CCSER1: variants seen among roughly 807,000 people sequenced by gnomAD.
CCSER1 encodes coiled-coil serine rich protein 1, also known as serine-rich coiled-coil domain-containing protein 1.
CCSER1 carries 41 observed loss-of-function variants against 82.0 expected under a neutral mutation model. That is an observed-to-expected ratio of 0.50 (90% CI 0.39 to 0.65). The LOEUF is 0.65. CCSER1 is among the 30% of genes least tolerant of loss of function. The pLI, the probability that CCSER1 is intolerant of heterozygous loss-of-function variation, is 0.00. For synonymous variants in CCSER1, 414 were observed against 383.9 expected (o/e 1.08, Z -0.92); for missense variants, 1,119 against 1,064.2 (o/e 1.05, Z -0.72).
At chr4:91,415,938 C>A (rs1206480513) in intron 10 of CCSER1, among the ~76,000 whole-genome samples, 2 of 151,820 alleles carry the variant, frequency 1.3e-5, no homozygotes, top group African/African-American at 4.8e-5. Flanking sequence ...ATCAGGAGTC[C>A]CTCATTTTCA....
chr4:90,568,577 A>G (rs1579212118), intron 5 of CCSER1, among the ~76,000 whole-genome samples: 1 of 152,120 alleles, frequency 6.6e-6, no homozygotes, highest in East Asian at 1.9e-4. Context: ...CTCTTTAGGC[A>G]GCATATAGAT....
intron 5 of CCSER1, among the ~76,000 whole-genome samples, chr4:90,495,500 C>T (rs568313942): frequency 5.9e-5 from 9 of 152,154 alleles, no homozygotes; most frequent in South Asian, 4.1e-4. Flanking sequence ...TTCTTATAGA[C>T]GACTGGGTGC....
Position 90,448,444 on chromosome 4 carries a change from AATATATATATATATAT to A in CCSER1, c.1604-19764_1604-19749del, listed in dbSNP as rs70963067. 4.8e-3 allele frequency among the ~76,000 whole-genome samples: 211 copies of A among 44,098 alleles called. 3 individuals are homozygous for A. The highest frequency in any genetic ancestry group is 9.2e-3 in the African/African-American group (164 of 17,856). 28.9% of individuals were successfully genotyped at this position (44,098 alleles called of 152,430 possible). A position where few individuals can be genotyped will look rare whatever the true frequency, so the allele number is the denominator to read the frequency against. On this transcript the variant is annotated intron_variant, in intron 4 of 10. Coordinates refer to ENST00000509176, the MANE Select transcript of CCSER1 (RefSeq NM_001145065.2). The stretch of plus-strand genomic sequence containing the variant: ...GCTTTTTTTTTCTCTAGGTGAATTG[AATATATATATATATAT>A]ATATATATATATATATATATATATA...
intron 10 of CCSER1, among the ~76,000 whole-genome samples, chr4:91,474,767 GTA>G (rs112175186): frequency 4.1e-4 from 56 of 135,388 alleles, no homozygotes; most frequent in African/African-American, 7.5e-4. Flanking sequence ...ACATGTGTGT[GTA>G]TATATATATA....
At chr4:91,538,403 A>T (rs1171407435) in intron 10 of CCSER1, among the ~76,000 whole-genome samples, 2 of 151,836 alleles carry the variant, frequency 1.3e-5, no homozygotes, top group African/African-American at 4.8e-5. Context: ...TTTGTTCTGA[A>T]ACAGTTAAAA....
At chr4:90,496,887 A>G (rs1381838813) in intron 5 of CCSER1, among the ~76,000 whole-genome samples, 1 of 148,030 alleles carries the variant, frequency 6.8e-6, no homozygotes, top group Admixed American at 6.8e-5. Flanking sequence ...CTGAGGCAGG[A>G]GAATCGCTTG....
chr4:91,210,489 G>A (rs1157788602), intron 10 of CCSER1, among the ~76,000 whole-genome samples: 1 of 150,630 alleles, frequency 6.6e-6, no homozygotes, highest in Non-Finnish European at 1.5e-5. Flanking sequence ...TGACACAATT[G>A]GAAGTGAGAC....
At chr4:90,386,220 A>G (rs1048933351) in intron 3 of CCSER1, among the ~76,000 whole-genome samples, 1 of 152,218 alleles carries the variant, frequency 6.6e-6, no homozygotes, top group Non-Finnish European at 1.5e-5. Context: ...AGCAAAAAGA[A>G]CAAATCTGGA....
At chr4:90,437,541 T>C (rs533641119) in intron 4 of CCSER1, among the ~76,000 whole-genome samples, 1 of 152,310 alleles carries the variant, frequency 6.6e-6, no homozygotes, top group South Asian at 2.1e-4. Flanking sequence ...TTTGCTTTCT[T>C]TTCTGTATAA....
rs558591571 is a variant in CCSER1 at position 90,949,322 on chromosome 4, C to T, written c.2172+25875C>T. ...TTCTTTACCCTTAAGAAGAATAAAA[C>T]CATAATAGAGTAGATGATATAAAAA... On this transcript the variant is annotated intron_variant, in intron 9 of 10. Transcript: ENST00000509176. Among the ~76,000 whole-genome samples, 4 of 152,064 alleles carry T rather than the reference C, an allele frequency of 2.6e-5. No individual in the cohort carries two copies. In the South Asian group the frequency reaches 6.2e-4, roughly 24 times the overall value.
At chr4:90,243,812 T>A (rs755885532) in intron 1 of CCSER1, among the ~76,000 whole-genome samples, 79 of 151,996 alleles carry the variant, frequency 5.2e-4, no homozygotes, top group African/African-American at 1.6e-3. Context: ...TATAATTTTT[T>A]AAAAAATTAT....
intron 2 of CCSER1, 24 bp from the exon 3 acceptor site, chr4:90,312,839 T>G (rs1735545835): frequency 6.7e-7 from 1 of 1,482,162 alleles, no homozygotes; most frequent in African/African-American, 1.4e-5. Flanking sequence ...TTACCTTCAT[T>G]TTTATTTATT....
intron 10 of CCSER1, among the ~76,000 whole-genome samples, chr4:91,152,979 A>G (rs1462650407): frequency 2.6e-5 from 4 of 151,824 alleles, no homozygotes; most frequent in African/African-American, 7.3e-5. Context: ...GAATCTAACA[A>G]TTATGTGTCT....
chr4:90,532,825 G>T (rs939138039), intron 5 of CCSER1, among the ~76,000 whole-genome samples: 1 of 152,018 alleles, frequency 6.6e-6, no homozygotes, highest in Non-Finnish European at 1.5e-5. Flanking sequence ...AGATCGACTT[G>T]TACTTTGAGT....
chr4:90,129,742 A>G (rs1168232498), intron 1 of CCSER1, among the ~76,000 whole-genome samples: 1 of 152,210 alleles, frequency 6.6e-6, no homozygotes. Flanking sequence ...TGTTCTTTGA[A>G]AAACAAAGCA....
At chr4:90,575,824 G>C (rs757552730) in intron 5 of CCSER1, among the ~76,000 whole-genome samples, 90 of 151,812 alleles carry the variant, frequency 5.9e-4, no homozygotes, top group Non-Finnish European at 1.0e-3. Context: ...TGAAATCTTT[G>C]TTACTGTCAA....
At chr4:90,706,038 G>A (rs1275230141) in intron 6 of CCSER1, among the ~76,000 whole-genome samples, 1 of 152,172 alleles carries the variant, frequency 6.6e-6, no homozygotes, top group Non-Finnish European at 1.5e-5. Flanking sequence ...AGTTGGAAAT[G>A]CAGAAATCGC....
At chr4:91,360,639 C>T (rs1226164779) in intron 10 of CCSER1, among the ~76,000 whole-genome samples, 1 of 151,816 alleles carries the variant, frequency 6.6e-6, no homozygotes, top group East Asian at 1.9e-4. Context: ...ATAGCTCGAG[C>T]TCAGCCAACA....
At chr4:90,760,048 T>A (rs1475246998) in intron 7 of CCSER1, among the ~76,000 whole-genome samples, 2 of 151,988 alleles carry the variant, frequency 1.3e-5, no homozygotes, top group Non-Finnish European at 2.9e-5. Flanking sequence ...TTTAGGAATT[T>A]TTTAGTTTCA....
Sources: gnomAD v4.1 joint callset for allele counts (sites outside exome capture counted in the v4.1 genomes callset) on GRCh38, gnomAD v4.1.1 for gene constraint, MANE v1.5 for transcripts, NCBI Gene and HGNC (gene_info 2026-07-23, HGNC 2026-07-21) for gene names.